Variants in MICU1 observed in about 807,000 individuals in gnomAD.
MICU1 encodes calcium uptake protein 1, mitochondrial.
A neutral mutation model predicts 56.8 loss-of-function variants in MICU1; 45 were observed. That is an observed-to-expected ratio of 0.79 (90% CI 0.62 to 1.02). The LOEUF is 1.02. Among genes scored for constraint, MICU1 ranks in the 50% least tolerant of loss-of-function variants. MICU1 has a pLI of 0.00. For missense variants in MICU1, 504 were observed against 587.1 expected (o/e 0.86, Z 1.46); for synonymous variants, 186 against 195.1 (o/e 0.95, Z 0.39).
At chr10:72,584,346 G>GA (rs1156286627) in intron 1 of MICU1, among the ~76,000 whole-genome samples, 1 of 151,960 alleles carries the variant, frequency 6.6e-6, no homozygotes, top group African/African-American at 2.4e-5. Flanking sequence ...AAAAGAAAAA[G>GA]AAAAAATAAC....
intron 1 of MICU1, among the ~76,000 whole-genome samples, chr10:72,608,759 C>T (rs1841760351): frequency 6.6e-6 from 1 of 152,150 alleles, no homozygotes; most frequent in Non-Finnish European, 1.5e-5. Flanking sequence ...TGTAACCTAA[C>T]GATGTATAAA....
chr10:72,533,037 A>G (rs1173528377), intron 5 of MICU1: 2 of 1,288,892 alleles, frequency 1.6e-6, no homozygotes, highest in African/African-American at 1.5e-5. Flanking sequence ...CTTCCTGTTC[A>G]TTGTGCTTTG....
At chr10:72,406,556 T>C (rs1184877064) in intron 10 of MICU1, among the ~76,000 whole-genome samples, 1 of 151,936 alleles carries the variant, frequency 6.6e-6, no homozygotes, top group Non-Finnish European at 1.5e-5. Context: ...GTTGGCAGCA[T>C]TTACAATAGC....
intron 1 of MICU1, among the ~76,000 whole-genome samples, chr10:72,569,233 A>ATTTTTTTTTTTTT (rs1231227018): frequency 2.5e-4 from 10 of 40,322 alleles, no homozygotes; most frequent in African/African-American, 7.2e-4. Context: ...ATATATATAT[A>ATTTTTTTTTTTTT]TATATTTTTT....
At chr10:72,439,377 A>G (rs1864844566) in intron 8 of MICU1, among the ~76,000 whole-genome samples, 1 of 152,188 alleles carries the variant, frequency 6.6e-6, no homozygotes, top group Non-Finnish European at 1.5e-5. Flanking sequence ...CCCTCAATAA[A>G]CTAGGTACTG....
intron 1 of MICU1, among the ~76,000 whole-genome samples, chr10:72,611,549 C>T (rs1052398952): frequency 6.0e-5 from 9 of 150,734 alleles, no homozygotes; most frequent in Non-Finnish European, 1.0e-4. Flanking sequence ...TGAACCCGGG[C>T]GGCAGAGATT....
intron 10 of MICU1, among the ~76,000 whole-genome samples, chr10:72,400,030 T>C (rs1863400623): frequency 6.6e-6 from 1 of 152,142 alleles, no homozygotes; most frequent in Non-Finnish European, 1.5e-5. Context: ...TCCAACTCAG[T>C]ACAAAATTAA....
At chr10:72,523,934 C>A (rs1867895516) in intron 5 of MICU1, 9 of 1,465,286 alleles carry the variant, frequency 6.1e-6, no homozygotes, top group Non-Finnish European at 7.2e-6. Context: ...ATAATAAAGT[C>A]TTTCTAGGTG....
chr10:72,563,095 C>T (rs1840341330), intron 2 of MICU1, 32 bp from the exon 3 acceptor site: 1 of 1,456,486 alleles, frequency 6.9e-7, no homozygotes, highest in East Asian at 2.4e-5. Flanking sequence ...CTAGATTAAT[C>T]TTGAACGTCC....
chr10:72,500,253 CATACATACATATAT>C (rs1412797057), intron 6 of MICU1, among the ~76,000 whole-genome samples: 8 of 49,952 alleles, frequency 1.6e-4, no homozygotes, highest in African/African-American at 9.6e-4. Flanking sequence ...TATATACATA[CATACATACATATAT>C]ATATATATAT....
At chr10:72,600,120 C>T (rs950661478) in intron 1 of MICU1, among the ~76,000 whole-genome samples, 2 of 151,388 alleles carry the variant, frequency 1.3e-5, no homozygotes, top group Non-Finnish European at 2.9e-5. Flanking sequence ...GGTGAAACCC[C>T]GTCTCTACCA....
At chr10:72,486,116 T>G (rs982208968) in intron 6 of MICU1, among the ~76,000 whole-genome samples, 1 of 152,180 alleles carries the variant, frequency 6.6e-6, no homozygotes, top group Non-Finnish European at 1.5e-5. Flanking sequence ...TTATGTTATT[T>G]ATAATAAACA....
intron 10 of MICU1, among the ~76,000 whole-genome samples, chr10:72,381,963 TAC>T (rs10535513): frequency 0.25 from 34,869 of 138,078 alleles, 4,653 homozygotes; most frequent in East Asian, 0.63. Flanking sequence ...TATATATCTA[TAC>T]ACACACACAC....
chr10:72,535,639 CAGAATACCA>C (rs912826900), intron 4 of MICU1, among the ~76,000 whole-genome samples: 6 of 152,020 alleles, frequency 3.9e-5, no homozygotes, highest in Non-Finnish European at 5.9e-5. Context: ...TGTGAAATTT[CAGAATACCA>C]AGGATAAAAA....
intron 8 of MICU1, among the ~76,000 whole-genome samples, chr10:72,442,148 C>T (rs1177274893): frequency 6.6e-6 from 1 of 151,902 alleles, no homozygotes; most frequent in Non-Finnish European, 1.5e-5. Flanking sequence ...TAATCATGTG[C>T]CTAATGCTTT....
At chr10:72,433,782 G>T (rs549369880) in intron 8 of MICU1, among the ~76,000 whole-genome samples, 1 of 152,268 alleles carries the variant, frequency 6.6e-6, no homozygotes, top group Admixed American at 6.5e-5. Flanking sequence ...CATTAGATAA[G>T]AAAGTAATTA....
intron 6 of MICU1, among the ~76,000 whole-genome samples, chr10:72,493,101 C>A (rs1041535387): frequency 1.3e-5 from 2 of 152,066 alleles, no homozygotes; most frequent in East Asian, 1.9e-4. Flanking sequence ...TGCTTACCCC[C>A]CAAACATCCT....
chr10:72,465,311 T>TG (rs1158443206), intron 8 of MICU1, among the ~76,000 whole-genome samples: 1 of 128,264 alleles, frequency 7.8e-6, no homozygotes, highest in Non-Finnish European at 1.5e-5. Flanking sequence ...AGTTTTTTGT[T>TG]TTTTTTTTTT....
At chr10:72,452,747 C>T (rs1004093979) in intron 8 of MICU1, among the ~76,000 whole-genome samples, 3 of 151,972 alleles carry the variant, frequency 2.0e-5, no homozygotes, top group African/African-American at 4.8e-5. Context: ...GTATCCCCAT[C>T]GCTAGGCAAT....
Sources: allele counts gnomAD v4.1 joint callset (sites outside exome capture counted in the v4.1 genomes callset), GRCh38; gene constraint gnomAD v4.1.1; transcripts MANE v1.5; gene names NCBI Gene and HGNC (gene_info 2026-07-23, HGNC 2026-07-21).